GALNT18: variants seen among roughly 807,000 people sequenced by gnomAD.
GALNT18 encodes the protein GalNAc-transferase 18.
A neutral mutation model predicts 69.5 loss-of-function variants in GALNT18; 44 were observed. The ratio of observed to expected loss-of-function variants is 0.63; its 90% CI spans 0.50 to 0.81. GALNT18 has a LOEUF of 0.81. Ranked by LOEUF, GALNT18 falls within the 40% of genes least tolerant of loss-of-function variation. The pLI, the probability that GALNT18 is intolerant of heterozygous loss-of-function variation, is 0.00. For missense variants in GALNT18, 715 were observed against 810.0 expected, an observed-to-expected ratio of 0.88 and a Z score of 1.42; for synonymous variants, 364 against 318.2, an observed-to-expected ratio of 1.14 and a Z score of -1.53.
intron 10 of GALNT18, among the ~76,000 whole-genome samples, chr11:11,274,415 C>T (rs917832332): frequency 5.3e-5 from 8 of 152,220 alleles, no homozygotes. Context: ...CCCACTCCCA[C>T]AGAGCCCAGC....
intron 1 of GALNT18, among the ~76,000 whole-genome samples, chr11:11,575,955 T>C (rs1565022107): frequency 6.6e-6 from 1 of 152,164 alleles, no homozygotes; most frequent in South Asian, 2.1e-4. Context: ...ACAATCTCAC[T>C]GCTGGGGAGG....
chr11:11,326,848 TG>T (rs1223972560), intron 9 of GALNT18, among the ~76,000 whole-genome samples: 3 of 152,226 alleles, frequency 2.0e-5, no homozygotes, highest in Non-Finnish European at 1.5e-5. Context: ...CTCATCATCC[TG>T]GAGGATCCTG....
chr11:11,491,118 G>A (rs1321722693), intron 1 of GALNT18, among the ~76,000 whole-genome samples: 1 of 152,142 alleles, frequency 6.6e-6, no homozygotes, highest in African/African-American at 2.4e-5. Context: ...GGTCCAGGTG[G>A]GGTCGTTGTC....
chr11:11,276,567 A>G (rs763448872), intron 10 of GALNT18, among the ~76,000 whole-genome samples: 8 of 152,064 alleles, frequency 5.3e-5, no homozygotes, highest in East Asian at 1.9e-4. Flanking sequence ...TTCCCATACT[A>G]TGTTGAATAG....
At chr11:11,346,658 G>A (rs1318031881) in intron 6 of GALNT18, among the ~76,000 whole-genome samples, 1 of 152,192 alleles carries the variant, frequency 6.6e-6, no homozygotes, top group African/African-American at 2.4e-5. Flanking sequence ...AAAATGCTCA[G>A]ATATGCCTAC....
chr11:11,509,866 G>A (rs765569634), intron 1 of GALNT18, among the ~76,000 whole-genome samples: 15 of 152,242 alleles, frequency 9.9e-5, no homozygotes, highest in Non-Finnish European at 1.8e-4. Context: ...GTGACAATTG[G>A]AGAGCAATCT....
At chr11:11,548,228 G>A (rs1858107729) in intron 1 of GALNT18, among the ~76,000 whole-genome samples, 2 of 152,188 alleles carry the variant, frequency 1.3e-5, no homozygotes. Flanking sequence ...CCAAAAGTTT[G>A]AATAGCTCAG....
rs1032631469 is a variant in GALNT18 at position 11,562,332 on chromosome 11, C to T, written c.235+59027G>A. Among the ~76,000 whole-genome samples, 8 of 152,104 alleles carry T rather than the reference C, an allele frequency of 5.3e-5. No homozygotes were observed. The highest frequency in any genetic ancestry group is 2.0e-4 in the Admixed American group (3 of 15,260). ...GTGTCTGTCTGCGTGTCCATGTTTC[C>T]CCTTTAGATGTGCACACCCGTCATA... On this transcript the variant is annotated intron_variant, in intron 1 of 10. Coordinates refer to ENST00000227756, the MANE Select transcript of GALNT18 (RefSeq NM_198516.3). The surrounding 1 kb of genome is among the most constrained non-coding windows in gnomAD (Gnocchi z 4.1).
At chr11:11,578,330 C>CAAAAAAAAAAAAAAAAAACAAA (rs1858978859) in intron 1 of GALNT18, among the ~76,000 whole-genome samples, 1 of 120,602 alleles carries the variant, frequency 8.3e-6, no homozygotes, top group Non-Finnish European at 1.6e-5. Context: ...TAAAAAGAAC[C>CAAAAAAAAAAAAAAAAAACAAA]AAAAAAAAAA....
chr11:11,326,412 A>G (rs915336447), intron 9 of GALNT18, among the ~76,000 whole-genome samples: 4 of 152,214 alleles, frequency 2.6e-5, no homozygotes, highest in Non-Finnish European at 5.9e-5. Flanking sequence ...ATCAATTCAG[A>G]ACAGGTCAGC....
At chr11:11,482,822 C>G (rs1280854307) in intron 1 of GALNT18, among the ~76,000 whole-genome samples, 1 of 152,084 alleles carries the variant, frequency 6.6e-6, no homozygotes, top group Non-Finnish European at 1.5e-5. Context: ...CCTCCAAGGT[C>G]AGATGCACAG....
At chr11:11,455,950 A>C (rs1013127514) in intron 1 of GALNT18, among the ~76,000 whole-genome samples, 1 of 152,126 alleles carries the variant, frequency 6.6e-6, no homozygotes, top group African/African-American at 2.4e-5. Context: ...TTAGCCAAGC[A>C]TGGTGGTGTA....
Position 11,500,478 on chromosome 11 carries a change from T to C in GALNT18, c.236-51542A>G, listed in dbSNP as rs771223142. 6.6e-6 allele frequency among the ~76,000 whole-genome samples: 1 copy of C among 152,160 alleles called. No individual in the cohort carries two copies. Among genetic ancestry groups the C allele is most frequent in the Non-Finnish European group, 1.5e-5 (1 of 68,018 alleles). Reference sequence around the variant, plus strand: ...AGGCCAATACCCAGATCAGCAGCCATGTCTGGAGATGTTTTTGGTTGTCAC... The same window carrying C: ...AGGCCAATACCCAGATCAGCAGCCACGTCTGGAGATGTTTTTGGTTGTCAC... On this transcript the variant is annotated intron_variant, in intron 1 of 10. Transcript: ENST00000227756. The surrounding 1 kb of genome is among the most constrained non-coding windows in gnomAD (Gnocchi z 5.0).
intron 6 of GALNT18, among the ~76,000 whole-genome samples, chr11:11,348,033 C>G (rs558631921): frequency 9.7e-4 from 147 of 152,054 alleles, no homozygotes; most frequent in Non-Finnish European, 4.4e-4. Context: ...AATTTTGTAC[C>G]CTGGGCATTT....
intron 10 of GALNT18, among the ~76,000 whole-genome samples, chr11:11,285,856 T>G (rs1849182395): frequency 6.6e-6 from 1 of 152,196 alleles, no homozygotes; most frequent in Non-Finnish European, 1.5e-5. Context: ...CGTCTTTGCG[T>G]GCGTTACTCA....
At chr11:11,547,773 C>A (rs1194204199) in intron 1 of GALNT18, among the ~76,000 whole-genome samples, 1 of 152,182 alleles carries the variant, frequency 6.6e-6, no homozygotes, top group African/African-American at 2.4e-5. Flanking sequence ...TGATCCTATC[C>A]CTTCCCAGCC....
At chr11:11,384,620 A>C (rs1854005274) in intron 3 of GALNT18, among the ~76,000 whole-genome samples, 2 of 152,172 alleles carry the variant, frequency 1.3e-5, no homozygotes. Context: ...AAATGGGATT[A>C]GTGCACTTAT....
rs149400055 is a variant in GALNT18 at position 11,513,810 on chromosome 11, A to G, written c.236-64874T>C. ...TAATTTATTTATTTATTTTTTTTGT[A>G]AAGCTTTAAAGGTGGTTGTTCTTTT... is the stretch of plus-strand genomic sequence containing the variant. On this transcript the variant is annotated intron_variant, in intron 1 of 10. Coordinates refer to ENST00000227756, the MANE Select transcript of GALNT18 (RefSeq NM_198516.3). Among the ~76,000 whole-genome samples, 57 of 152,210 alleles carry G rather than the reference A, an allele frequency of 3.7e-4. No individual in the cohort carries two copies. The East Asian group carries it at 0.011, about 29-fold the overall frequency.
chr11:11,471,521 T>G (rs941246820), intron 1 of GALNT18, among the ~76,000 whole-genome samples: 77 of 152,190 alleles, frequency 5.1e-4, no homozygotes, highest in African/African-American at 1.8e-3. Flanking sequence ...CTTCTTGCTG[T>G]GATTCCCCAG....
Sources: gnomAD v4.1 joint callset for allele counts (sites outside exome capture counted in the v4.1 genomes callset) on GRCh38, gnomAD v4.1.1 for gene constraint, Gnocchi (gnomAD v3.1) non-coding constraint, MANE v1.5 for transcripts, NCBI Gene and HGNC (gene_info 2026-07-23, HGNC 2026-07-21) for gene names.